The following ESS2 variants were observed in gnomAD, a reference collection of about 807,000 sequenced individuals.
ESS2 encodes the protein splicing factor ESS-2 homolog.
In ESS2, 31 loss-of-function variants were observed where a neutral mutation model predicts 52.0. That is an observed-to-expected ratio of 0.60 (90% CI 0.45 to 0.81). ESS2 has a LOEUF of 0.81. ESS2 is among the 30% of genes least tolerant of loss of function. The pLI is 0.00. For synonymous variants in ESS2, 285 were observed against 259.2 expected, an observed-to-expected ratio of 1.10 and a Z score of -0.95; for missense variants, 602 against 637.2, an observed-to-expected ratio of 0.94 and a Z score of 0.59.
chr22:19,144,100 G>T (rs2146112914), intron 1 of ESS2: 1 of 1,011,726 alleles, frequency 9.9e-7, no homozygotes, highest in Non-Finnish European at 1.2e-6. Context: ...TGTGCGTGTG[G>T]TGGGGCGACG....
Position 19,139,957 on chromosome 22 carries a change from C to T in ESS2, c.468G>A (p.Thr156=), listed in dbSNP as rs755809222. Reference sequence around the variant, plus strand: ...CCTGGAAGGAGGCATTGTCCTCACTCGTGTAGCGGCTCAGGAAGACATCTA... The same window carrying T: ...CCTGGAAGGAGGCATTGTCCTCACTTGTGTAGCGGCTCAGGAAGACATCTA... ...PSLDVFLSRY[T]SEDNASFQEI... is the part of the protein sequence containing the mutation. Residue 156 remains threonine (T), a synonymous_variant, in exon 4 of 10, where the codon ACG becomes ACA. Transcript: ENST00000252137. 9 of 1,614,042 alleles carry T rather than the reference C, an allele frequency of 5.6e-6. No individual in the cohort carries two copies. The highest frequency in any genetic ancestry group is 1.7e-5 in the Admixed American group (1 of 60,008).
In ESS2 at chr22:19,134,088, C is replaced by T; in HGVS notation, c.*108G>A. The stretch of plus-strand genomic sequence containing the variant: ...CTCCAGTGACTCCTGGTATGGTCAA[C>T]AGCTTCTGGCCCAGGCCTGGGCCCC... On this transcript the variant is annotated 3_prime_UTR_variant, in exon 10 of 10. Transcript: ENST00000252137. The T allele has an allele frequency of 1.5e-6, 2 of 1,306,760 alleles. No homozygotes were observed. Among genetic ancestry groups the T allele is most frequent in the Non-Finnish European group, 2.0e-6 (2 of 1,011,964 alleles). The allele number at this position is 1,306,760 out of a possible 1,614,324, so 80.9% of individuals were successfully genotyped here.
intron 6 of ESS2, chr22:19,138,625 C>A: frequency 1.8e-6 from 1 of 547,230 alleles, no homozygotes; most frequent in Non-Finnish European, 3.3e-6. Flanking sequence ...TGACGCCAGG[C>A]CCCTGCAGGG....
chr22:19,138,382 G>T, intron 6 of ESS2, 65 bp from the exon 7 acceptor site: 1 of 1,428,444 alleles, frequency 7.0e-7, no homozygotes, highest in African/African-American at 1.4e-5. Context: ...TGGCCGGTGG[G>T]CAAACACGTG....
Position 19,135,045 on chromosome 22 carries a change from C to T in ESS2, c.1151+15G>A. The T allele has an allele frequency of 6.2e-7, 1 of 1,610,564 alleles. No individual in the cohort carries two copies. The highest frequency in any genetic ancestry group is 8.5e-7 in the Non-Finnish European group (1 of 1,178,196). ...GCCACCCTCGCACTTCCCCACCAGC[C>T]AGGCGGCCCCTCACCTGGCCAGATT... On this transcript the variant is annotated intron_variant, in intron 9 of 9. Coordinates refer to ENST00000252137, the MANE Select transcript of ESS2 (RefSeq NM_022719.3).
At chr22:19,140,312 A>G (rs1241018219) in intron 3 of ESS2, among the ~76,000 whole-genome samples, 1 of 152,184 alleles carries the variant, frequency 6.6e-6, no homozygotes, top group Non-Finnish European at 1.5e-5. Context: ...GACTGGAGAA[A>G]GCAATACAGG....
chr22:19,132,238 C>A lies in ESS2; in HGVS notation c.*1958G>T. On this transcript the variant is annotated 3_prime_UTR_variant, in exon 10 of 10. Transcript: ENST00000252137. The surrounding 1 kb of genome is among the most constrained non-coding windows in gnomAD (Gnocchi z 4.2). Reference sequence around the variant, plus strand: ...CTGCAGCCCCCCAAGCCCAAAGCCACGTCTTCTGCCTCCTTCAAGAGGGAG... The same window carrying A: ...CTGCAGCCCCCCAAGCCCAAAGCCAAGTCTTCTGCCTCCTTCAAGAGGGAG... 4 of 1,611,478 alleles carry A rather than the reference C, an allele frequency of 2.5e-6. No homozygotes were observed. The highest frequency in any genetic ancestry group is 3.4e-6 in the Non-Finnish European group (4 of 1,178,246).
In ESS2 at chr22:19,131,625, T is replaced by TA. The variant is rs771836504; in HGVS notation, c.*2570dup. 6.2e-7 allele frequency: 1 copy of TA among 1,614,092 alleles called. No individual in the cohort carries two copies. The highest frequency in any genetic ancestry group is 8.5e-7 in the Non-Finnish European group (1 of 1,180,036). On this transcript the variant is annotated 3_prime_UTR_variant, in exon 10 of 10. Coordinates refer to ENST00000252137, the MANE Select transcript of ESS2 (RefSeq NM_022719.3). The surrounding 1 kb of genome is among the most constrained non-coding windows in gnomAD (Gnocchi z 5.7). ...CAACCACGGCTCCATCATCAAGACTTACGAGATCTTTGAGACCTCTGACGG... is the reference window on the plus strand; with the variant it reads ...CAACCACGGCTCCATCATCAAGACTTAACGAGATCTTTGAGACCTCTGACGG...
intron 6 of ESS2, 35 bp downstream of exon 6, chr22:19,139,124 C>A: frequency 6.4e-7 from 1 of 1,556,292 alleles, no homozygotes; most frequent in East Asian, 2.4e-5. Context: ...CCTGTCCAAC[C>A]TGGCCCATGC....
chr22:19,134,561 G>A, intron 9 of ESS2, 86 bp from the exon 10 acceptor site: 2 of 1,361,982 alleles, frequency 1.5e-6, no homozygotes, highest in Non-Finnish European at 9.8e-7. Context: ...CCCAGGAAGA[G>A]CCTGGGCAGA....
In ESS2 at chr22:19,132,767, G is replaced by C; in HGVS notation, c.*1429C>G. ...AGCCAACCGCCCCACCTGACACACAGTGGTCTCCGGCCTAGGAGCACAGGA... is the reference window on the plus strand; with the variant it reads ...AGCCAACCGCCCCACCTGACACACACTGGTCTCCGGCCTAGGAGCACAGGA... On this transcript the variant is annotated 3_prime_UTR_variant, in exon 10 of 10. Coordinates refer to ENST00000252137, the MANE Select transcript of ESS2 (RefSeq NM_022719.3). This position sits in a 1 kb window ranked among gnomAD's most constrained non-coding sequence, Gnocchi z 4.2. 2.4e-6 allele frequency: 1 copy of C among 408,838 alleles called. No individual in the cohort carries two copies. Among genetic ancestry groups the C allele is most frequent in the South Asian group, 2.6e-5 (1 of 38,948 alleles). The allele number at this position is 408,838 out of a possible 1,614,324, so 25.3% of individuals were successfully genotyped here. A position where few individuals can be genotyped will look rare whatever the true frequency, so the allele number is the denominator to read the frequency against.
At chr22:19,144,150 C>A in intron 1 of ESS2, 4 of 1,066,982 alleles carry the variant, frequency 3.7e-6, no homozygotes, top group Non-Finnish European at 4.5e-6. Flanking sequence ...ACTGCGGTCT[C>A]TTTCCAGGAA....
Position 19,143,096 on chromosome 22 carries a change from G to T in ESS2, c.136-202C>A, listed in dbSNP as rs75084512. ...GGCAGGCACCTGTAATTCCAGCTAC[G>T]TGGGAGGCTGAAGCAGAAGAATCGC... is the stretch of plus-strand genomic sequence containing the variant. On this transcript the variant is annotated intron_variant, in intron 1 of 9. Transcript: ENST00000252137. Among the ~76,000 whole-genome samples the T allele has an allele frequency of 0.033, 5,050 of 151,428 alleles. 179 individuals carry two copies. Among genetic ancestry groups the T allele is most frequent in the African/African-American group, 0.062 (2,574 of 41,230 alleles).
Position 19,139,234 on chromosome 22 carries a change from C to T in ESS2, c.747G>A (p.Thr249=), listed in dbSNP as rs750765823. Residue 249 remains threonine (T), a synonymous_variant, in exon 6 of 10, where the codon ACG becomes ACA. Transcript: ENST00000252137. ...GGCTGAAGGGGTCCCTAAGGAAGCGCGTGTTCTTATGTACCACCTGCCGGG... is the reference window on the plus strand; with the variant it reads ...GGCTGAAGGGGTCCCTAAGGAAGCGTGTGTTCTTATGTACCACCTGCCGGG... ...KKPRQVVHKN[T]RFLRDPFSQA... 20 of 1,608,828 alleles carry T rather than the reference C, an allele frequency of 1.2e-5. No homozygotes were observed. Among genetic ancestry groups the T allele is most frequent in the South Asian group, 3.3e-5 (3 of 90,114 alleles).
intron 9 of ESS2, among the ~76,000 whole-genome samples, chr22:19,134,775 A>C (rs1406270457): frequency 6.6e-6 from 1 of 152,140 alleles, no homozygotes; most frequent in Non-Finnish European, 1.5e-5. Context: ...GACTCTCTCC[A>C]CAGGGCTGAT....
At chr22:19,137,642 G>A in intron 7 of ESS2, 3 of 783,728 alleles carry the variant, frequency 3.8e-6, no homozygotes, top group Non-Finnish European at 4.6e-6. Context: ...CAGGCTCAAG[G>A]CCCTACAGCC....
Position 19,139,249 on chromosome 22 carries a change from C to T in ESS2, c.732G>A (p.Val244=), listed in dbSNP as rs753957130. Reference sequence around the variant, plus strand: ...TAAGGAAGCGCGTGTTCTTATGTACCACCTGCCGGGGCTTCTTAAACAGCT... The same window carrying T: ...TAAGGAAGCGCGTGTTCTTATGTACTACCTGCCGGGGCTTCTTAAACAGCT... ...EEQLFKKPRQ[V]VHKNTRFLRD... Residue 244 remains valine, a synonymous_variant, in exon 6 of 10, where the codon GTG becomes GTA. Transcript: ENST00000252137. 1.2e-6 allele frequency: 2 copies of T among 1,607,452 alleles called. No homozygotes were observed. The highest frequency in any genetic ancestry group is 2.2e-5 in the South Asian group (2 of 89,924).
intron 1 of ESS2, chr22:19,144,014 C>T: frequency 1.0e-6 from 1 of 988,374 alleles, no homozygotes; most frequent in Non-Finnish European, 1.2e-6. Flanking sequence ...TCTACATATC[C>T]CAAAAGGTGT....
chr22:19,140,011 C>G lies in ESS2; in HGVS notation c.414G>C (p.Glu138Asp), dbSNP rs2083657815. 1 of 1,613,706 alleles carries G rather than the reference C, an allele frequency of 6.2e-7. No individual in the cohort carries two copies. The highest frequency in any genetic ancestry group is 8.5e-7 in the Non-Finnish European group (1 of 1,179,982). ...TGGGCAGCGGCTCCTTCTCCTCCTCCTCTCCAGCCTCTCCTGCTTAGGGGT... is the reference window on the plus strand; with the variant it reads ...TGGGCAGCGGCTCCTTCTCCTCCTCGTCTCCAGCCTCTCCTGCTTAGGGGT... ...GRGLEDGEAG[E>D]EEEKEPLPSL... Residue 138 changes from glutamate (E) to aspartate (D), a missense_variant, in exon 4 of 10, where the codon GAG becomes GAC. Coordinates refer to ENST00000252137, the MANE Select transcript of ESS2 (RefSeq NM_022719.3).
Sources: gnomAD v4.1 joint callset for allele counts (sites outside exome capture counted in the v4.1 genomes callset) on GRCh38, gnomAD v4.1.1 for gene constraint, Gnocchi (gnomAD v3.1) non-coding constraint, MANE v1.5 for transcripts, NCBI Gene and HGNC (gene_info 2026-07-23, HGNC 2026-07-21) for gene names.